The following HRH1 variants were observed in gnomAD, a reference collection of about 807,000 sequenced individuals.
HRH1 encodes the protein histamine receptor H1.
Under a neutral mutation model 10.3 loss-of-function variants are expected in HRH1, and 6 were observed. The observed-to-expected ratio is 0.58, with a 90% CI of 0.32 to 1.15. HRH1 has a LOEUF of 1.15. HRH1 is among the 50% of genes most tolerant of loss of function. HRH1 has a pLI of 0.05. For missense variants in HRH1, 514 were observed against 615.3 expected (o/e 0.84, Z 1.74); for synonymous variants, 242 against 236.7 (o/e 1.02, Z -0.21).
intron 1 of HRH1, among the ~76,000 whole-genome samples, chr3:11,200,694 G>T (rs1937870769): frequency 6.6e-6 from 1 of 152,084 alleles, no homozygotes; most frequent in African/African-American, 2.4e-5. Flanking sequence ...TACATGGAAG[G>T]GTGAGGAAAT....
At chr3:11,160,100 T>C (rs1403268014) in intron 1 of HRH1, among the ~76,000 whole-genome samples, 1 of 152,224 alleles carries the variant, frequency 6.6e-6, no homozygotes, top group African/African-American at 2.4e-5. Flanking sequence ...CTGTATATTG[T>C]TACTTCCTGG....
At chr3:11,219,097 G>A (rs554182196) in intron 1 of HRH1, among the ~76,000 whole-genome samples, 3 of 150,874 alleles carry the variant, frequency 2.0e-5, no homozygotes, top group Non-Finnish European at 4.4e-5. Flanking sequence ...CACTATGTTG[G>A]CCAGGCTGGT....
chr3:11,176,220 T>C (rs1382432351), intron 1 of HRH1, among the ~76,000 whole-genome samples: 1 of 150,496 alleles, frequency 6.6e-6, no homozygotes, highest in African/African-American at 2.5e-5. Context: ...GTGTAATGAG[T>C]TTTTGCATTT....
At chr3:11,234,811 A>G (rs1939133517) in intron 1 of HRH1, among the ~76,000 whole-genome samples, 1 of 151,948 alleles carries the variant, frequency 6.6e-6, no homozygotes, top group African/African-American at 2.4e-5. Flanking sequence ...TTCCATTCTA[A>G]ATTTCCATTG....
chr3:11,252,212 C>A (rs1278851904), intron 1 of HRH1, among the ~76,000 whole-genome samples: 1 of 152,176 alleles, frequency 6.6e-6, no homozygotes, highest in Non-Finnish European at 1.5e-5. Context: ...TCTGACTAAT[C>A]CTCCTTCAAT....
intron 1 of HRH1, among the ~76,000 whole-genome samples, chr3:11,256,278 G>GT (rs1248648617): frequency 6.6e-6 from 1 of 152,086 alleles, no homozygotes; most frequent in Non-Finnish European, 1.5e-5. Context: ...AAATACCGCT[G>GT]TAAGAAAGAG....
chr3:11,182,718 C>G (rs1220370621), intron 1 of HRH1, among the ~76,000 whole-genome samples: 1 of 152,168 alleles, frequency 6.6e-6, no homozygotes, highest in Non-Finnish European at 1.5e-5. Context: ...AAGCACTGCC[C>G]CAAAGCATCC....
At chr3:11,191,280 A>G (rs1937525650) in intron 1 of HRH1, among the ~76,000 whole-genome samples, 1 of 152,300 alleles carries the variant, frequency 6.6e-6, no homozygotes, top group Admixed American at 6.5e-5. Context: ...CCTGCAGTGA[A>G]CAGAAGTGGG....
intron 1 of HRH1, among the ~76,000 whole-genome samples, chr3:11,227,952 T>C (rs1938939159): frequency 6.6e-6 from 1 of 152,166 alleles, no homozygotes; most frequent in Non-Finnish European, 1.5e-5. Flanking sequence ...AGGGGAGAAT[T>C]GGGAGTCTTA....
At chr3:11,146,268 G>A (rs999960793) in intron 1 of HRH1, among the ~76,000 whole-genome samples, 9 of 152,186 alleles carry the variant, frequency 5.9e-5, no homozygotes, top group Admixed American at 5.9e-4. Flanking sequence ...CATGGAAGGA[G>A]GTCATTGGGG....
intron 1 of HRH1, among the ~76,000 whole-genome samples, chr3:11,148,581 GC>G (rs1486593161): frequency 6.6e-6 from 1 of 151,928 alleles, no homozygotes; most frequent in African/African-American, 2.4e-5. Flanking sequence ...ACTCAAAATG[GC>G]TACCGAAGCT....
chr3:11,150,946 G>A (rs766802787), upstream of HRH1, among the ~76,000 whole-genome samples: 30 of 152,208 alleles, frequency 2.0e-4, no homozygotes, highest in Non-Finnish European at 4.1e-4. Flanking sequence ...CACTGTGAGG[G>A]AGAGGACATC....
rs367656891 is a variant in HRH1, at chr3:11,207,035, A to C, written c.-35-51968A>C. Reference sequence around the variant, plus strand: ...GGTCTGAGAGTTGAAGGACGGATGGAAGTCTCTGGAGGTTTGCAGTGGAAT... The same window carrying C: ...GGTCTGAGAGTTGAAGGACGGATGGCAGTCTCTGGAGGTTTGCAGTGGAAT... On this transcript the variant is annotated intron_variant, in intron 1 of 1. Coordinates refer to ENST00000431010, the MANE Select transcript of HRH1 (RefSeq NM_001098212.2). Among the ~76,000 whole-genome samples, 364 of 152,206 alleles carry C rather than the reference A, an allele frequency of 2.4e-3. 2 individuals are homozygous for C. Among genetic ancestry groups the C allele is most frequent in the African/African-American group, 8.5e-3 (352 of 41,534 alleles).
At chr3:11,211,584 T>C (rs1022765680) in intron 1 of HRH1, among the ~76,000 whole-genome samples, 6 of 152,208 alleles carry the variant, frequency 3.9e-5, no homozygotes, top group Admixed American at 3.9e-4. Context: ...GGCAGCTCCA[T>C]GCCTCAGCAC....
chr3:11,210,601 G>C (rs1157421908), intron 1 of HRH1, among the ~76,000 whole-genome samples: 1 of 152,102 alleles, frequency 6.6e-6, no homozygotes, highest in African/African-American at 2.4e-5. Flanking sequence ...AGGCCAGCCT[G>C]GGCAATGCGG....
At chr3:11,257,389 C>G (rs1340848736) in intron 1 of HRH1, among the ~76,000 whole-genome samples, 3 of 151,646 alleles carry the variant, frequency 2.0e-5, no homozygotes, top group Non-Finnish European at 4.4e-5. Flanking sequence ...AACCCCGTCT[C>G]TACTAAAAAA....
At position 11,242,521 on chromosome 3, in the gene HRH1, C is replaced by G. The variant is rs538355800; in HGVS notation, c.-35-16482C>G. 1.3e-4 allele frequency among the ~76,000 whole-genome samples: 18 copies of G among 140,222 alleles called. No individual in the cohort carries two copies. In the South Asian group the frequency reaches 4.4e-3, roughly 35 times the overall value. The allele number at this position is 140,222 out of a possible 152,430, so 92.0% of individuals were successfully genotyped here. Reference sequence around the variant, plus strand: ...AAAAAAAAAAAAAAGCTGTAACACTCACTGCAAAGGTCTGCGTCGCCATTC... The same window carrying G: ...AAAAAAAAAAAAAAGCTGTAACACTGACTGCAAAGGTCTGCGTCGCCATTC... On this transcript the variant is annotated intron_variant, in intron 1 of 1. Transcript: ENST00000431010.
intron 1 of HRH1, among the ~76,000 whole-genome samples, chr3:11,147,244 C>A (rs2124997024): frequency 6.6e-6 from 1 of 152,304 alleles, no homozygotes. Context: ...CCTCCTGACC[C>A]AGGGCCTGCC....
At chr3:11,216,297 G>C (rs990987105) in intron 1 of HRH1, among the ~76,000 whole-genome samples, 2 of 152,084 alleles carry the variant, frequency 1.3e-5, no homozygotes, top group African/African-American at 4.8e-5. Context: ...TTGAAAGCAG[G>C]GTCTTGAAGA....
Sources: allele counts gnomAD v4.1 joint callset (sites outside exome capture counted in the v4.1 genomes callset), GRCh38; gene constraint gnomAD v4.1.1; transcripts MANE v1.5; gene names NCBI Gene and HGNC (gene_info 2026-07-23, HGNC 2026-07-21).